POLR1B: variants seen among roughly 807,000 people sequenced by gnomAD.
POLR1B encodes the protein RNA polymerase I subunit B, also known as DNA-directed RNA polymerase I subunit RPA2.
A neutral mutation model predicts 105.8 loss-of-function variants in POLR1B; 30 were observed. The ratio of observed to expected loss-of-function variants is 0.28; its 90% CI spans 0.21 to 0.38. The LOEUF (loss-of-function observed/expected upper bound fraction) is 0.38. POLR1B is among the 10% of genes least tolerant of loss of function. The pLI is 1.00. For synonymous variants in POLR1B, 485 were observed against 505.1 expected, an observed-to-expected ratio of 0.96 and a Z score of 0.53; for missense variants, 976 against 1,435.8, an observed-to-expected ratio of 0.68 and a Z score of 5.17.
chr2:112,577,751 C>T lies in POLR1B; in HGVS notation c.*2022C>T, dbSNP rs545517324. Among the ~76,000 whole-genome samples the T allele has an allele frequency of 2.0e-5, 3 of 149,178 alleles. No homozygotes were observed. Among genetic ancestry groups the T allele is most frequent in the Admixed American group, 6.7e-5 (1 of 14,880 alleles). On this transcript the variant is annotated 3_prime_UTR_variant, in exon 15 of 15. Coordinates refer to ENST00000263331, the MANE Select transcript of POLR1B (RefSeq NM_019014.6). ...TCAGGAGGCTGAGGTGGGAGAATCT[C>T]CTGAGCCTGGAAGGTCCAGGCAGTG...
At chr2:112,542,772 C>T in intron 1 of POLR1B, 101 bp downstream of exon 1, 4 of 1,431,638 alleles carry the variant, frequency 2.8e-6, no homozygotes, top group Non-Finnish European at 3.8e-6. Flanking sequence ...GCTCCTTGAT[C>T]CTGACAGGCT....
At chr2:112,558,987 A>G (rs915713959) in intron 8 of POLR1B, among the ~76,000 whole-genome samples, 3 of 144,530 alleles carry the variant, frequency 2.1e-5, no homozygotes, top group African/African-American at 7.7e-5. Flanking sequence ...TTGCTTGTCT[A>G]TTATCTGACT....
intron 4 of POLR1B, 75 bp from the exon 5 acceptor site, chr2:112,550,791 T>C: frequency 6.7e-7 from 1 of 1,486,912 alleles, no homozygotes; most frequent in Non-Finnish European, 9.3e-7. Context: ...GAGGTTAAGA[T>C]TGTTCAGAAA....
chr2:112,573,126 G>A lies in POLR1B; in HGVS notation c.2271+368G>A, dbSNP rs1442580060. Among the ~76,000 whole-genome samples, 8 of 151,840 alleles carry A rather than the reference G, an allele frequency of 5.3e-5. No homozygotes were observed. In the East Asian group the frequency reaches 1.4e-3, roughly 26 times the overall value. ...GTTTTTTGTTTTTTATTTTTGAGACGGAGTCTCGCTCTGTTGCCCAGGCTG... is the reference window on the plus strand; with the variant it reads ...GTTTTTTGTTTTTTATTTTTGAGACAGAGTCTCGCTCTGTTGCCCAGGCTG... On this transcript the variant is annotated intron_variant, in intron 13 of 14. Coordinates refer to ENST00000263331, the MANE Select transcript of POLR1B (RefSeq NM_019014.6).
Position 112,573,700 on chromosome 2 carries a change from C to T in POLR1B, c.2410C>T (p.Leu804=), listed in dbSNP as rs2104579536. The stretch of plus-strand genomic sequence containing the variant: ...CATCAAACCTGGTGACCCACGCGTT[C>T]TGCAGAAGTTAGATGACGATGGATT... ...FGIKPGDPRV[L]QKLDDDGLPF... is the part of the protein sequence containing the mutation. The change falls in exon 14 of 15, where the codon CTG becomes TTG. Residue 804 remains leucine, a synonymous_variant. Transcript: ENST00000263331. 6.2e-7 allele frequency: 1 copy of T among 1,614,200 alleles called. No homozygotes were observed. Among genetic ancestry groups the T allele is most frequent in the Non-Finnish European group, 8.5e-7 (1 of 1,180,038 alleles).
chr2:112,558,617 A>ATT (rs869165766), intron 8 of POLR1B, among the ~76,000 whole-genome samples: 30 of 146,818 alleles, frequency 2.0e-4, no homozygotes, highest in African/African-American at 7.4e-4. Context: ...GGAATTCAGA[A>ATT]TTTTTTTTTT....
intron 4 of POLR1B, among the ~76,000 whole-genome samples, chr2:112,550,463 G>A (rs1419000312): frequency 6.6e-6 from 1 of 152,174 alleles, no homozygotes; most frequent in East Asian, 1.9e-4. Context: ...TCAGTTGATG[G>A]TAGTATGTCT....
At chr2:112,560,957 C>T (rs1452866105) in intron 9 of POLR1B, among the ~76,000 whole-genome samples, 3 of 151,930 alleles carry the variant, frequency 2.0e-5, no homozygotes, top group South Asian at 2.1e-4. Flanking sequence ...CCCAGCTACT[C>T]AGGAAGCTGA....
At chr2:112,542,376 G>A (rs1239519929), upstream of POLR1B, 1 of 1,601,666 alleles carries the variant, frequency 6.2e-7, no homozygotes. Flanking sequence ...GGAACGAGAG[G>A]GAACTACATT....
In POLR1B at chr2:112,575,746, T is replaced by G. The variant is rs755178670; in HGVS notation, c.*17T>G. The G allele has an allele frequency of 1.4e-5, 22 of 1,598,666 alleles. No individual in the cohort carries two copies. In the African/African-American group the frequency reaches 2.4e-4, roughly 18 times the overall value. On this transcript the variant is annotated 3_prime_UTR_variant, in exon 15 of 15. Transcript: ENST00000263331. This position sits in a 1 kb window ranked among gnomAD's most constrained non-coding sequence, Gnocchi z 5.3. Reference sequence around the variant, plus strand: ...GTTGTTTAACTTGATGTTGACCTTTTGGATTAAGAGGACTATCAGATTAAA... The same window carrying G: ...GTTGTTTAACTTGATGTTGACCTTTGGGATTAAGAGGACTATCAGATTAAA...
At chr2:112,544,133 T>C (rs954216383) in intron 1 of POLR1B, among the ~76,000 whole-genome samples, 1 of 151,734 alleles carries the variant, frequency 6.6e-6, no homozygotes. Flanking sequence ...AGCACTAATT[T>C]AAAAATAAGC....
intron 7 of POLR1B, among the ~76,000 whole-genome samples, chr2:112,555,315 G>C (rs2104530718): frequency 6.6e-6 from 1 of 151,938 alleles, no homozygotes; most frequent in South Asian, 2.1e-4. Context: ...CTCTAGCCTG[G>C]GCAAAAGAGC....
At chr2:112,568,929 C>CA in intron 12 of POLR1B, 27 bp downstream of exon 12, 1 of 1,597,860 alleles carries the variant, frequency 6.3e-7, no homozygotes, top group Non-Finnish European at 8.6e-7. Context: ...ATGTTACAGT[C>CA]ACAATCAGGA....
At chr2:112,574,219 C>G (rs1167047357) in intron 14 of POLR1B, among the ~76,000 whole-genome samples, 1 of 152,092 alleles carries the variant, frequency 6.6e-6, no homozygotes, top group Admixed American at 6.5e-5. Context: ...GCAATGTTTC[C>G]TAGCCAAAAT....
rs1307278688 is a variant in POLR1B at position 112,579,101 on chromosome 2, A to T, written c.*3372A>T. Among the ~76,000 whole-genome samples, 3 of 149,558 alleles carry T rather than the reference A, an allele frequency of 2.0e-5. No homozygotes were observed. The highest frequency in any genetic ancestry group is 4.4e-5 in the Non-Finnish European group (3 of 67,446). On this transcript the variant is annotated 3_prime_UTR_variant, in exon 15 of 15. Transcript: ENST00000263331. ...CACACGCCTGTAATCCCAGCTACTC[A>T]GGAGGCTGAGACAGGAGAATCACTT...
intron 10 of POLR1B, among the ~76,000 whole-genome samples, chr2:112,565,390 T>C (rs951567986): frequency 2.6e-5 from 4 of 152,180 alleles, no homozygotes; most frequent in Admixed American, 6.6e-5. Flanking sequence ...TATTGAGACA[T>C]TGTCTCATTT....
At position 112,568,920 on chromosome 2, in the gene POLR1B, T is replaced by A; in HGVS notation, c.2074+18T>A. On this transcript the variant is annotated intron_variant, in intron 12 of 14. Transcript: ENST00000263331. ...CCAGATGGGTAAGGAAGAGGGATGATGTTACAGTCACAATCAGGAAAGTAA... is the reference window on the plus strand; with the variant it reads ...CCAGATGGGTAAGGAAGAGGGATGAAGTTACAGTCACAATCAGGAAAGTAA... 2 of 1,610,406 alleles carry A rather than the reference T, an allele frequency of 1.2e-6. No individual in the cohort carries two copies. Among genetic ancestry groups the A allele is most frequent in the South Asian group, 2.2e-5 (2 of 90,688 alleles).
At chr2:112,572,490 C>T in intron 12 of POLR1B, 72 bp from the exon 13 acceptor site, 1 of 1,088,638 alleles carries the variant, frequency 9.2e-7, no homozygotes, top group Non-Finnish European at 1.3e-6. Context: ...TAGTTGTTTC[C>T]AGTGTTGCGT....
chr2:112,567,567 C>T (rs779064595), intron 10 of POLR1B, among the ~76,000 whole-genome samples: 3 of 151,616 alleles, frequency 2.0e-5, no homozygotes, highest in African/African-American at 4.8e-5. Flanking sequence ...TTTGTAGAGA[C>T]GGGGTTTCAT....
Sources: allele counts gnomAD v4.1 joint callset (sites outside exome capture counted in the v4.1 genomes callset), GRCh38; gene constraint gnomAD v4.1.1; non-coding constraint Gnocchi (gnomAD v3.1); transcripts MANE v1.5; gene names NCBI Gene and HGNC (gene_info 2026-07-23, HGNC 2026-07-21).